KRT8: variants seen among roughly 807,000 people sequenced by gnomAD.
KRT8 encodes the protein keratin 8.
In KRT8, 24 loss-of-function variants were observed where a neutral mutation model predicts 43.0. That is an observed-to-expected ratio of 0.56 (90% CI 0.40 to 0.78). The LOEUF is 0.78. Among genes scored for constraint, KRT8 ranks in the 30% least tolerant of loss-of-function variants. The probability of loss-of-function intolerance (pLI) is 0.00; values close to 1 mark genes in which losing one functional copy is unlikely to be tolerated. For missense variants in KRT8, 492 were observed against 638.4 expected (o/e 0.77, Z 2.47); for synonymous variants, 214 against 261.2 (o/e 0.82, Z 1.74).
chr12:52,949,059 TC>T, intron 2 of KRT8: 9 of 1,025,860 alleles, frequency 8.8e-6, no homozygotes, highest in Non-Finnish European at 1.2e-5. Context: ...CCGAAGCGGC[TC>T]CGGGGCGGGG....
chr12:52,936,724 A>C (rs1187827161), intron 2 of KRT8, among the ~76,000 whole-genome samples: 1 of 152,138 alleles, frequency 6.6e-6, no homozygotes, highest in South Asian at 2.1e-4. Context: ...CATTTTGGTC[A>C]GGCTGGTCTT....
Position 52,897,425 on chromosome 12 carries a change from T to C in KRT8, c.*3A>G, listed in dbSNP as rs1404558251. The C allele has an allele frequency of 1.9e-6, 3 of 1,598,568 alleles. No individual in the cohort carries two copies. In the South Asian group the frequency reaches 3.3e-5, roughly 18 times the overall value. On this transcript the variant is annotated 3_prime_UTR_variant, in exon 8 of 8. Coordinates refer to ENST00000692008, the Ensembl canonical transcript of KRT8. ...GTAGGCTGGGAGGGGCTGCCGCAGC[T>C]GTTCACTTGGGCAGGACGTCAGAGG...
At chr12:52,918,209 A>AAGAAGGAGAAGG (rs1565725741) in intron 2 of KRT8, among the ~76,000 whole-genome samples, 1 of 113,472 alleles carries the variant, frequency 8.8e-6, no homozygotes, top group Non-Finnish European at 1.9e-5. Flanking sequence ...GAAGAACAAG[A>AAGAAGGAGAAGG]AGAAGAAGAA....
chr12:52,949,089 A>T lies in KRT8; in HGVS notation c.-47+367T>A, dbSNP rs1942407708. ...GGCGGGGGCGGGGCCTCACTCTGCG[A>T]TATAACTCGGGTCGCGCGGCTCGCG... On this transcript the variant is annotated intron_variant, in intron 2 of 6. Coordinates refer to the KRT8 transcript ENST00000546826. 4 of 1,325,476 alleles carry T rather than the reference A, an allele frequency of 3.0e-6. No homozygotes were observed. The East Asian group carries it at 9.2e-5, about 31-fold the overall frequency. The allele number at this position is 1,325,476 out of a possible 1,614,324, so 82.1% of individuals were successfully genotyped here. A position where few individuals can be genotyped will look rare whatever the true frequency, so the allele number is the denominator to read the frequency against.
intron 4 of KRT8, among the ~76,000 whole-genome samples, chr12:52,900,315 C>T (rs1941335605): frequency 6.6e-6 from 1 of 152,120 alleles, no homozygotes; most frequent in Non-Finnish European, 1.5e-5. Context: ...GCTGAATCAC[C>T]ACACCCTATG....
intron 2 of KRT8, among the ~76,000 whole-genome samples, chr12:52,917,426 G>A (rs1053303754): frequency 2.0e-5 from 3 of 151,032 alleles, no homozygotes; most frequent in Non-Finnish European, 4.4e-5. Context: ...AAAAAGAAAA[G>A]ACTGAGTGTG....
chr12:52,910,591 T>C (rs943322722), upstream of KRT8, among the ~76,000 whole-genome samples: 7 of 152,186 alleles, frequency 4.6e-5, no homozygotes, highest in Admixed American at 2.0e-4. Flanking sequence ...ACAGCGGTAC[T>C]GGGGACTTGA....
intron 2 of KRT8, among the ~76,000 whole-genome samples, chr12:52,943,708 C>T (rs1319455755): frequency 1.3e-5 from 2 of 152,182 alleles, no homozygotes; most frequent in Admixed American, 6.5e-5. Context: ...GTAAAGGCCC[C>T]GCAGGTTAGC....
intron 2 of KRT8, among the ~76,000 whole-genome samples, chr12:52,929,366 G>T (rs550386442): frequency 3.3e-5 from 5 of 151,890 alleles, no homozygotes; most frequent in African/African-American, 1.2e-4. Context: ...TGATTTTTTT[G>T]TATTTTTAGT....
At chr12:52,898,979 C>T in intron 5 of KRT8, 80 bp from the exon 6 acceptor site, 1 of 1,230,558 alleles carries the variant, frequency 8.1e-7, no homozygotes, top group Non-Finnish European at 1.2e-6. Flanking sequence ...CCTCAGGGTC[C>T]TCCCCACCAC....
intron 1 of KRT8, among the ~76,000 whole-genome samples, chr12:52,903,813 G>A (rs999205133): frequency 3.3e-5 from 5 of 151,906 alleles, no homozygotes; most frequent in African/African-American, 1.2e-4. Context: ...AATCCTGCAT[G>A]GGCTTTCCGA....
chr12:52,947,505 A>C (rs1225534470), intron 2 of KRT8: 1 of 151,614 alleles, frequency 6.6e-6, no homozygotes, highest in Admixed American at 6.6e-5. Flanking sequence ...TTTGAGTCAG[A>C]GTTTCGCTCT....
chr12:52,949,257 G>A (rs528903225), intron 2 of KRT8: 20 of 1,611,216 alleles, frequency 1.2e-5, no homozygotes, highest in African/African-American at 8.0e-5. Context: ...GCGCCCGGCC[G>A]GTCAGCAGCG....
chr12:52,949,500 G>T, exon 2 of KRT8: 1 of 1,613,604 alleles, frequency 6.2e-7, no homozygotes, highest in African/African-American at 1.3e-5. Context: ...GGAGGCTGGA[G>T]AGCAAAATCC....
At chr12:52,908,912 G>T (rs960037794), upstream of KRT8, among the ~76,000 whole-genome samples, 5 of 152,182 alleles carry the variant, frequency 3.3e-5, no homozygotes, top group African/African-American at 1.2e-4. Context: ...AGGCTGAGTT[G>T]TGAGGATCAC....
intron 2 of KRT8, chr12:52,949,075 G>A: frequency 8.7e-7 from 1 of 1,152,404 alleles, no homozygotes; most frequent in Non-Finnish European, 1.3e-6. Flanking sequence ...GCGGGGGCGG[G>A]GCCTCACTCT....
At chr12:52,902,734 G>A (rs926850012) in intron 1 of KRT8, among the ~76,000 whole-genome samples, 14 of 152,002 alleles carry the variant, frequency 9.2e-5, no homozygotes, top group South Asian at 2.1e-4. Flanking sequence ...AAAAGAGGCC[G>A]GGCGTGGAGG....
At chr12:52,949,758 A>G in exon 1 of KRT8, 1 of 728,388 alleles carries the variant, frequency 1.4e-6, no homozygotes, top group Non-Finnish European at 2.5e-6. Context: ...CCCTAAGAGC[A>G]GCAGCTAGGC....
In KRT8 at chr12:52,943,526, C is replaced by T. The variant is rs571602112; in HGVS notation, c.-47+5930G>A. Among the ~76,000 whole-genome samples, 27 of 152,314 alleles carry T rather than the reference C, an allele frequency of 1.8e-4. No homozygotes were observed. In the South Asian group the frequency reaches 3.5e-3, roughly 20 times the overall value. On this transcript the variant is annotated intron_variant, in intron 2 of 6. Transcript: ENST00000546826. Reference sequence around the variant, plus strand: ...CAAGTCCCTCTGTGCTGACTCTGCTCCTTCTTTTCCCTGATCCTTTCCCTT... The same window carrying T: ...CAAGTCCCTCTGTGCTGACTCTGCTTCTTCTTTTCCCTGATCCTTTCCCTT...
Sources: gnomAD v4.1 joint callset for allele counts (sites outside exome capture counted in the v4.1 genomes callset) on GRCh38, gnomAD v4.1.1 for gene constraint, MANE v1.5 for transcripts, NCBI Gene and HGNC (gene_info 2026-07-23, HGNC 2026-07-21) for gene names.